ARMC9: variants seen among roughly 807,000 people sequenced by gnomAD.
The protein encoded by ARMC9 is armadillo repeat containing 9.
A neutral mutation model predicts 107.0 loss-of-function variants in ARMC9; 94 were observed. The ratio of observed to expected loss-of-function variants is 0.88; its 90% confidence interval spans 0.74 to 1.04. ARMC9 has a LOEUF of 1.04. ARMC9 is among the 50% of genes least tolerant of loss of function. The pLI is 0.00. For synonymous variants in ARMC9, 380 were observed against 396.9 expected (o/e 0.96, Z 0.51); for missense variants, 942 against 1,030.1 (o/e 0.91, Z 1.17).
intron 19 of ARMC9, among the ~76,000 whole-genome samples, chr2:231,302,725 G>A (rs545553092): frequency 6.6e-6 from 1 of 152,284 alleles, no homozygotes; most frequent in South Asian, 2.1e-4. Flanking sequence ...TTTATTGGCT[G>A]GGTGCAGTGG....
chr2:231,295,478 T>TTAGGAA (rs1436221292), intron 18 of ARMC9: 1 of 152,412 alleles, frequency 6.6e-6, no homozygotes, highest in Non-Finnish European at 1.5e-5. Context: ...GCTTCTTACC[T>TTAGGAA]GGCCCTAAGC....
chr2:231,336,462 C>T lies in ARMC9; in HGVS notation c.1878+4565C>T, dbSNP rs150597185. Among the ~76,000 whole-genome samples the T allele has an allele frequency of 4.1e-3, 619 of 152,282 alleles. 1 individual carries two copies. The highest frequency in any genetic ancestry group is 6.3e-3 in the Non-Finnish European group (429 of 68,016). On this transcript the variant is annotated intron_variant, in intron 20 of 24. Coordinates refer to ENST00000611582, the MANE Select transcript of ARMC9 (RefSeq NM_001352754.2). ...GCCCACCTGCCTTTTACCACTCAGCCGGGCCGCCTTGCAGCAGCGCTGGCC... is the reference window on the plus strand; with the variant it reads ...GCCCACCTGCCTTTTACCACTCAGCTGGGCCGCCTTGCAGCAGCGCTGGCC...
At chr2:231,284,162 C>A (rs1406738390) in intron 17 of ARMC9, among the ~76,000 whole-genome samples, 2 of 152,188 alleles carry the variant, frequency 1.3e-5, no homozygotes, top group Non-Finnish European at 2.9e-5. Flanking sequence ...CTTAGATACA[C>A]AAATACCACC....
rs543787882 is a variant in ARMC9, at chr2:231,309,132, G to A, written c.1773+12879G>A. The stretch of plus-strand genomic sequence containing the variant: ...TTCGTTTATTTCTGCAACACTGCTC[G>A]TGTGCTCTCAGACCCTGGCTGGGAT... On this transcript the variant is annotated intron_variant, in intron 19 of 24. Transcript: ENST00000611582. Among the ~76,000 whole-genome samples, 11 of 152,244 alleles carry A rather than the reference G, an allele frequency of 7.2e-5. No individual in the cohort carries two copies. In the South Asian group the frequency reaches 1.5e-3, roughly 20 times the overall value.
intron 19 of ARMC9, among the ~76,000 whole-genome samples, chr2:231,314,116 AT>A (rs1375127508): frequency 2.4e-5 from 3 of 123,388 alleles, no homozygotes; most frequent in Non-Finnish European, 3.4e-5. Context: ...TTTCACTCTT[AT>A]TGACCAGGCT....
intron 10 of ARMC9, 51 bp downstream of exon 10, chr2:231,256,671 A>G: frequency 6.3e-7 from 1 of 1,580,764 alleles, no homozygotes; most frequent in Non-Finnish European, 8.7e-7. Flanking sequence ...CAATGTGTAA[A>G]ACGGGAATTC....
At chr2:231,316,297 C>G (rs2042674616) in intron 19 of ARMC9, among the ~76,000 whole-genome samples, 1 of 151,612 alleles carries the variant, frequency 6.6e-6, no homozygotes, top group South Asian at 2.1e-4. Flanking sequence ...CTTTAGTTCA[C>G]CTTCTTTTTA....
At chr2:231,215,639 C>T (rs754180478) in intron 4 of ARMC9, among the ~76,000 whole-genome samples, 8 of 152,208 alleles carry the variant, frequency 5.3e-5, no homozygotes, top group Non-Finnish European at 1.2e-4. Context: ...GAAGCTGCTG[C>T]GGTGGCTGAG....
intron 22 of ARMC9, among the ~76,000 whole-genome samples, chr2:231,359,465 A>G (rs1027601457): frequency 1.3e-4 from 19 of 151,976 alleles, no homozygotes; most frequent in African/African-American, 4.1e-4. Context: ...AGAAGGGGAC[A>G]GTTGAACCAA....
intron 12 of ARMC9, 141 bp from the exon 13 acceptor site, chr2:231,270,841 A>T: frequency 1.3e-6 from 1 of 760,428 alleles, no homozygotes; most frequent in Non-Finnish European, 2.3e-6. Context: ...AGGATTCCAG[A>T]TGAAATGTTT....
chr2:231,345,211 T>C, intron 21 of ARMC9, 121 bp downstream of exon 21: 1 of 1,489,898 alleles, frequency 6.7e-7, no homozygotes, highest in Middle Eastern at 2.1e-4. Flanking sequence ...CATTTATCTC[T>C]TTATTTTTGG....
At chr2:231,222,705 T>C in intron 5 of ARMC9, 23 bp from the exon 6 acceptor site, 1 of 1,339,012 alleles carries the variant, frequency 7.5e-7, no homozygotes, top group Middle Eastern at 2.4e-4. Flanking sequence ...AATGTTTGTA[T>C]TTTTGTTCCC....
intron 9 of ARMC9, among the ~76,000 whole-genome samples, chr2:231,245,660 AC>A (rs1333076194): frequency 6.6e-6 from 1 of 152,024 alleles, no homozygotes; most frequent in Non-Finnish European, 1.5e-5. Flanking sequence ...ATTAACTTTT[AC>A]TTGTGTGTAT....
chr2:231,211,155 CA>C (rs879919092), intron 3 of ARMC9, among the ~76,000 whole-genome samples: 327 of 151,276 alleles, frequency 2.2e-3, no homozygotes, highest in African/African-American at 5.7e-3. Flanking sequence ...CACACACACA[CA>C]CACCCCCACA....
chr2:231,278,584 G>A (rs532180181), intron 16 of ARMC9, 126 bp downstream of exon 16: 1 of 754,684 alleles, frequency 1.3e-6, no homozygotes, highest in East Asian at 2.7e-5. Context: ...CATGTTCTCT[G>A]TCCTTCTGGG....
rs1285492576 is a variant in ARMC9, at chr2:231,374,380, G to A, written c.*2845G>A. On this transcript the variant is annotated 3_prime_UTR_variant, in exon 25 of 25. Transcript: ENST00000611582. ...TTCTGGTTTCTTCTGAGTGGGACTT[G>A]ATCTCATTTCTGCATTCACAGCAAG... The A allele has an allele frequency of 6.6e-6, 1 of 152,106 alleles. No homozygotes were observed. Among genetic ancestry groups the A allele is most frequent in the Non-Finnish European group, 1.5e-5 (1 of 68,046 alleles). 9.4% of individuals were successfully genotyped at this position (152,106 alleles called of 1,614,324 possible). A position where few individuals can be genotyped will look rare whatever the true frequency, so the allele number is the denominator to read the frequency against.
chr2:231,294,026 G>A (rs143662687), intron 18 of ARMC9: 4 of 152,224 alleles, frequency 2.6e-5, no homozygotes, highest in Admixed American at 1.3e-4. Context: ...TCTTTATTTA[G>A]ATTATTGGTT....
intron 19 of ARMC9, among the ~76,000 whole-genome samples, chr2:231,296,877 A>G (rs977241681): frequency 6.6e-6 from 1 of 152,174 alleles, no homozygotes; most frequent in African/African-American, 2.4e-5. Flanking sequence ...TCCTTCAGAT[A>G]CCTAGGAAGA....
intron 5 of ARMC9, among the ~76,000 whole-genome samples, chr2:231,217,054 T>A (rs2033587560): frequency 6.6e-6 from 1 of 152,170 alleles, no homozygotes; most frequent in South Asian, 2.1e-4. Flanking sequence ...ATTAACACTT[T>A]GTAATAGCAA....
Sources: allele counts gnomAD v4.1 joint callset (sites outside exome capture counted in the v4.1 genomes callset), GRCh38; gene constraint gnomAD v4.1.1; transcripts MANE v1.5; gene names NCBI Gene and HGNC (gene_info 2026-07-23, HGNC 2026-07-21).